COL25A1: variants seen among roughly 807,000 people sequenced by gnomAD.
The protein encoded by COL25A1 is collagen alpha-1(XXV) chain.
A neutral mutation model predicts 128.4 loss-of-function variants in COL25A1; 103 were observed. That is an observed-to-expected ratio of 0.80 (90% CI 0.68 to 0.94). The LOEUF is 0.94. Among genes scored for constraint, COL25A1 ranks in the 40% least tolerant of loss-of-function variants. The probability of loss-of-function intolerance (pLI) is 0.00; values close to 1 mark genes in which losing one functional copy is unlikely to be tolerated. For missense variants in COL25A1, 745 were observed against 840.0 expected (o/e 0.89, Z 1.40); for synonymous variants, 279 against 277.2 (o/e 1.01, Z -0.06).
intron 19 of COL25A1, among the ~76,000 whole-genome samples, chr4:108,881,066 T>C (rs928122597): frequency 2.6e-5 from 4 of 152,286 alleles, no homozygotes; most frequent in Non-Finnish European, 5.9e-5. Flanking sequence ...ATATGAACCA[T>C]GAATGCACGA....
chr4:109,104,598 A>T (rs571782758), intron 3 of COL25A1, among the ~76,000 whole-genome samples: 3 of 152,190 alleles, frequency 2.0e-5, no homozygotes, highest in Admixed American at 6.5e-5. Context: ...CTAACTCTTA[A>T]CTACCAATTA....
At chr4:108,970,363 A>G (rs1751781948) in intron 8 of COL25A1, among the ~76,000 whole-genome samples, 2 of 152,208 alleles carry the variant, frequency 1.3e-5, no homozygotes, top group Non-Finnish European at 2.9e-5. Flanking sequence ...TTCCATCTAT[A>G]TGACACAATA....
At chr4:109,037,765 AAGTAAAAT>A (rs1759494670) in intron 5 of COL25A1, among the ~76,000 whole-genome samples, 5 of 152,312 alleles carry the variant, frequency 3.3e-5, no homozygotes, top group Admixed American at 3.3e-4. Flanking sequence ...GACAGCTATA[AAGTAAAAT>A]AGCACAATTT....
At chr4:108,862,346 T>C (rs904824591) in intron 22 of COL25A1, among the ~76,000 whole-genome samples, 155 bp downstream of exon 22, 1 of 152,236 alleles carries the variant, frequency 6.6e-6, no homozygotes, top group African/African-American at 2.4e-5. Flanking sequence ...GATATCATCA[T>C]AGGGATACTG....
Position 108,895,032 on chromosome 4 carries a change from C to T in COL25A1, c.906+1635G>A, listed in dbSNP as rs1340039187. On this transcript the variant is annotated intron_variant, in intron 16 of 37. Coordinates refer to ENST00000399132, the MANE Select transcript of COL25A1 (RefSeq NM_198721.4). Reference sequence around the variant, plus strand: ...TGCTAAACATCTGAGGGCCCCGTAACAGAGAATTATCTGGCCCCAAATGTC... The same window carrying T: ...TGCTAAACATCTGAGGGCCCCGTAATAGAGAATTATCTGGCCCCAAATGTC... Among the ~76,000 whole-genome samples the T allele has an allele frequency of 2.0e-5, 3 of 152,098 alleles. No individual in the cohort carries two copies. The East Asian group carries it at 5.8e-4, about 29-fold the overall frequency.
intron 6 of COL25A1, among the ~76,000 whole-genome samples, chr4:109,004,407 T>C (rs978350945): frequency 1.2e-5 from 1 of 84,146 alleles, no homozygotes; most frequent in Non-Finnish European, 3.0e-5. Context: ...TTTGTGTTTT[T>C]TTTTTTTAAC....
At chr4:109,106,125 A>C (rs549652593) in intron 3 of COL25A1, among the ~76,000 whole-genome samples, 3 of 152,224 alleles carry the variant, frequency 2.0e-5, no homozygotes, top group Non-Finnish European at 4.4e-5. Flanking sequence ...TCTCCATATA[A>C]TAAACATACA....
At chr4:109,108,768 A>T (rs201152553) in intron 3 of COL25A1, among the ~76,000 whole-genome samples, 2,301 of 94,720 alleles carry the variant, frequency 0.024, 53 homozygotes, top group East Asian at 0.19. Context: ...GTTTTTTATT[A>T]TTTTTTTAGC....
chr4:109,156,357 C>G (rs907350169), intron 3 of COL25A1, among the ~76,000 whole-genome samples: 3 of 152,200 alleles, frequency 2.0e-5, no homozygotes, highest in Non-Finnish European at 2.9e-5. Context: ...TTTTTTCCCC[C>G]AAAGCCTGCT....
intron 8 of COL25A1, among the ~76,000 whole-genome samples, chr4:108,945,553 G>GAA (rs1748628277): frequency 6.8e-6 from 1 of 146,984 alleles, no homozygotes; most frequent in African/African-American, 2.5e-5. Context: ...TTGCATCTTA[G>GAA]AAAATTTGCC....
intron 24 of COL25A1, among the ~76,000 whole-genome samples, chr4:108,853,201 C>T (rs1736009051): frequency 6.6e-6 from 1 of 151,890 alleles, no homozygotes; most frequent in South Asian, 2.1e-4. Flanking sequence ...AAAAATAATG[C>T]AGTAAAGTCA....
intron 3 of COL25A1, among the ~76,000 whole-genome samples, chr4:109,233,358 T>C (rs1175707764): frequency 6.6e-6 from 1 of 152,176 alleles, no homozygotes; most frequent in African/African-American, 2.4e-5. Flanking sequence ...CGCTTGGTTT[T>C]CTTTCCATAG....
At chr4:108,879,457 G>GTTC (rs1165273181) in intron 19 of COL25A1, among the ~76,000 whole-genome samples, 1 of 151,160 alleles carries the variant, frequency 6.6e-6, no homozygotes, top group African/African-American at 2.4e-5. Flanking sequence ...TTTTGTTGTT[G>GTTC]TTCTTCTTGA....
intron 29 of COL25A1, 103 bp downstream of exon 29, chr4:108,845,086 G>T: frequency 1.0e-6 from 1 of 960,452 alleles, no homozygotes; most frequent in Non-Finnish European, 1.7e-6. Flanking sequence ...TTTGAGGTCT[G>T]TCTACTGTTG....
chr4:108,954,955 TTA>T, intron 8 of COL25A1, among the ~76,000 whole-genome samples: 1 of 152,008 alleles, frequency 6.6e-6, no homozygotes, highest in East Asian at 1.9e-4. Flanking sequence ...CTTTTTTTTT[TTA>T]AAATGGGTCT....
chr4:108,994,402 G>C (rs529282915), intron 6 of COL25A1, among the ~76,000 whole-genome samples: 2 of 152,332 alleles, frequency 1.3e-5, no homozygotes, highest in Non-Finnish European at 2.9e-5. Context: ...TTGATGGGGG[G>C]AGGGGCGTCC....
intron 6 of COL25A1, among the ~76,000 whole-genome samples, 190 bp downstream of exon 6, chr4:109,010,168 A>G (rs1303987529): frequency 6.6e-6 from 1 of 152,222 alleles, no homozygotes; most frequent in Non-Finnish European, 1.5e-5. Context: ...ATCTGGCCCA[A>G]CAGCTGATGT....
At chr4:109,224,183 T>C (rs1778614736) in intron 3 of COL25A1, among the ~76,000 whole-genome samples, 1 of 152,072 alleles carries the variant, frequency 6.6e-6, no homozygotes, top group Admixed American at 6.6e-5. Context: ...ATAAATAATA[T>C]CATTGTGTTT....
intron 3 of COL25A1, among the ~76,000 whole-genome samples, chr4:109,062,069 A>T (rs1035307864): frequency 6.6e-6 from 1 of 152,200 alleles, no homozygotes; most frequent in African/African-American, 2.4e-5. Flanking sequence ...TAAAGAAAAC[A>T]TACACCAAAA....
Sources: allele counts gnomAD v4.1 joint callset (sites outside exome capture counted in the v4.1 genomes callset), GRCh38; gene constraint gnomAD v4.1.1; transcripts MANE v1.5; gene names NCBI Gene and HGNC (gene_info 2026-07-23, HGNC 2026-07-21).